KCNQ5: variants seen among roughly 807,000 people sequenced by gnomAD.
The protein encoded by KCNQ5 is potassium voltage-gated channel subfamily KQT member 5.
In KCNQ5, 30 loss-of-function variants were observed where a neutral mutation model predicts 98.2. That is an observed-to-expected ratio of 0.31 (90% confidence interval 0.23 to 0.41). KCNQ5 has a LOEUF of 0.41. Among genes scored for constraint, KCNQ5 ranks in the 10% least tolerant of loss-of-function variants. The pLI is 1.00. For synonymous variants in KCNQ5, 458 were observed against 449.4 expected (o/e 1.02, Z -0.24); for missense variants, 835 against 1,182.5 (o/e 0.71, Z 4.31).
intron 8 of KCNQ5, among the ~76,000 whole-genome samples, chr6:73,122,820 C>T (rs1186801268): frequency 1.3e-5 from 2 of 152,066 alleles, no homozygotes; most frequent in Non-Finnish European, 2.9e-5. Context: ...TCACAGAGTC[C>T]CTGAAGCCAA....
chr6:73,185,033 A>G (rs2150518479), intron 11 of KCNQ5, among the ~76,000 whole-genome samples: 1 of 152,342 alleles, frequency 6.6e-6, no homozygotes, highest in East Asian at 1.9e-4. Context: ...TAGAAGACAT[A>G]ATCCCTGCAT....
intron 10 of KCNQ5, among the ~76,000 whole-genome samples, chr6:73,156,549 C>T (rs960625849): frequency 6.6e-6 from 1 of 151,288 alleles, no homozygotes; most frequent in South Asian, 2.1e-4. Flanking sequence ...AGCTTGAACC[C>T]GGGAGGCAGA....
chr6:72,666,135 A>G (rs922371431), intron 1 of KCNQ5, among the ~76,000 whole-genome samples: 11 of 152,246 alleles, frequency 7.2e-5, no homozygotes, highest in Non-Finnish European at 1.3e-4. Context: ...AGAAGACGTC[A>G]ATCTTAAAAG....
chr6:72,773,139 C>T (rs930413551), intron 1 of KCNQ5, among the ~76,000 whole-genome samples: 1 of 151,952 alleles, frequency 6.6e-6, no homozygotes, highest in African/African-American at 2.4e-5. Context: ...GGGTGTATAC[C>T]CAAAGGATTA....
chr6:73,032,438 G>A (rs1460672061), intron 2 of KCNQ5, among the ~76,000 whole-genome samples: 1 of 152,140 alleles, frequency 6.6e-6, no homozygotes, highest in Non-Finnish European at 1.5e-5. Context: ...AGAGTGCTGA[G>A]ATTATGGGCA....
At position 73,071,909 on chromosome 6, in the gene KCNQ5, A is replaced by G. The variant is rs369683156; in HGVS notation, c.617-5413A>G. Among the ~76,000 whole-genome samples the G allele has an allele frequency of 9.5e-4, 145 of 152,292 alleles. 3 individuals carry two copies. In the South Asian group the frequency reaches 0.029, roughly 30 times the overall value. On this transcript the variant is annotated intron_variant, in intron 3 of 13. Coordinates refer to ENST00000370398, the MANE Select transcript of KCNQ5 (RefSeq NM_019842.4). ...TAAATTAGTGTCCTACCTTATATAC[A>G]TTTGTATTGTTTTGATATTTTACTT... is the stretch of plus-strand genomic sequence containing the variant.
chr6:72,651,605 A>G (rs1360602237), intron 1 of KCNQ5, among the ~76,000 whole-genome samples: 2 of 152,060 alleles, frequency 1.3e-5, no homozygotes, highest in Non-Finnish European at 2.9e-5. Context: ...TTGAGATGAC[A>G]GTTTTTAACT....
intron 1 of KCNQ5, chr6:72,987,407 G>C: frequency 1.4e-6 from 1 of 706,968 alleles, no homozygotes; most frequent in Non-Finnish European, 2.7e-6. Flanking sequence ...AAACCAGGAA[G>C]TGGACGGGAA....
intron 1 of KCNQ5, among the ~76,000 whole-genome samples, chr6:72,913,105 A>G (rs1229191302): frequency 6.6e-6 from 1 of 152,174 alleles, no homozygotes; most frequent in East Asian, 1.9e-4. Flanking sequence ...TTTATGATAT[A>G]TACATTAAGC....
At chr6:72,848,220 G>A (rs576825686) in intron 1 of KCNQ5, among the ~76,000 whole-genome samples, 31 of 151,758 alleles carry the variant, frequency 2.0e-4, no homozygotes, top group African/African-American at 6.8e-4. Context: ...AAAGTTCCGG[G>A]ATACATGGGC....
At chr6:72,981,821 C>T (rs944057504) in intron 1 of KCNQ5, among the ~76,000 whole-genome samples, 5 of 152,224 alleles carry the variant, frequency 3.3e-5, no homozygotes, top group African/African-American at 4.8e-5. Flanking sequence ...CCTCTACACA[C>T]TGCTTTAAAT....
chr6:72,778,081 G>C (rs1773255416), intron 1 of KCNQ5, among the ~76,000 whole-genome samples: 1 of 152,098 alleles, frequency 6.6e-6, no homozygotes, highest in Admixed American at 6.6e-5. Flanking sequence ...TTCAAGGAGA[G>C]TCTCTAGCAT....
At chr6:72,855,997 A>G (rs1777516287) in intron 1 of KCNQ5, among the ~76,000 whole-genome samples, 2 of 152,194 alleles carry the variant, frequency 1.3e-5, no homozygotes, top group African/African-American at 2.4e-5. Context: ...TTTGTTTCCT[A>G]TGAATTGAGG....
At chr6:72,929,911 ATT>A (rs1405015235) in intron 1 of KCNQ5, among the ~76,000 whole-genome samples, 2 of 152,174 alleles carry the variant, frequency 1.3e-5, no homozygotes, top group African/African-American at 4.8e-5. Flanking sequence ...CATTTTATTC[ATT>A]TTTTGTTTAG....
intron 1 of KCNQ5, among the ~76,000 whole-genome samples, chr6:72,762,121 C>T (rs1321816962): frequency 6.6e-6 from 1 of 151,976 alleles, no homozygotes; most frequent in Non-Finnish European, 1.5e-5. Flanking sequence ...GAGGGAACTC[C>T]AGTAGAAGTG....
intron 1 of KCNQ5, among the ~76,000 whole-genome samples, chr6:72,905,618 G>A (rs1779668203): frequency 6.6e-6 from 1 of 152,144 alleles, no homozygotes; most frequent in African/African-American, 2.4e-5. Context: ...GGCTTCCTGA[G>A]AGCCAAGCTG....
chr6:72,790,051 A>G (rs1773956140), intron 1 of KCNQ5, among the ~76,000 whole-genome samples: 1 of 152,234 alleles, frequency 6.6e-6, no homozygotes, highest in African/African-American at 2.4e-5. Flanking sequence ...ACTTGTCAAG[A>G]TAAATGTTTG....
chr6:73,169,844 C>A lies in KCNQ5; in HGVS notation c.1567C>A (p.Arg523=). Residue 523 remains arginine, a synonymous_variant, in exon 11 of 14, where the codon CGA becomes AGA. Coordinates refer to ENST00000370398, the MANE Select transcript of KCNQ5 (RefSeq NM_019842.4). ...CACCCCACCACTTAAAACTGTCATT[C>A]GAGCTATCAGGTTGGTGAAAATCTT... is the stretch of plus-strand genomic sequence containing the variant. ...DLTPPLKTVI[R]AIRIMKFHVA... is the part of the protein sequence containing the mutation. The A allele has an allele frequency of 3.7e-6, 6 of 1,604,834 alleles. No homozygotes were observed. The highest frequency in any genetic ancestry group is 5.1e-6 in the Non-Finnish European group (6 of 1,171,528).
chr6:73,035,967 A>G (rs1221649444), intron 2 of KCNQ5, among the ~76,000 whole-genome samples: 1 of 146,522 alleles, frequency 6.8e-6, no homozygotes, highest in Non-Finnish European at 1.5e-5. Flanking sequence ...AGATTTCTCC[A>G]GTTTTACTTG....
Sources: allele counts gnomAD v4.1 joint callset (sites outside exome capture counted in the v4.1 genomes callset), GRCh38; gene constraint gnomAD v4.1.1; transcripts MANE v1.5; gene names NCBI Gene and HGNC (gene_info 2026-07-23, HGNC 2026-07-21).